The following PHACTR3 variants were observed in gnomAD, a reference collection of about 807,000 sequenced individuals.
PHACTR3 encodes the protein protein phosphatase 1, regulatory subunit 123.
A neutral mutation model predicts 66.8 loss-of-function variants in PHACTR3; 16 were observed. The ratio of observed to expected loss-of-function variants is 0.24; its 90% CI spans 0.16 to 0.36. The LOEUF (loss-of-function observed/expected upper bound fraction) is 0.36, where lower values mean the gene tolerates loss of function less well. PHACTR3 is among the 10% of genes least tolerant of loss of function. The pLI, the probability that PHACTR3 is intolerant of heterozygous loss-of-function variation, is 1.00. For synonymous variants in PHACTR3, 323 were observed against 292.1 expected (o/e 1.11, Z -1.08); for missense variants, 647 against 719.9 (o/e 0.90, Z 1.16).
chr20:59,607,480 A>C (rs901169455), intron 1 of PHACTR3, among the ~76,000 whole-genome samples: 1 of 152,186 alleles, frequency 6.6e-6, no homozygotes, highest in African/African-American at 2.4e-5. Flanking sequence ...TCCCATCTAA[A>C]TTCTATAATT....
intron 1 of PHACTR3, among the ~76,000 whole-genome samples, chr20:59,589,341 A>G (rs1160836024): frequency 6.6e-6 from 1 of 152,230 alleles, no homozygotes; most frequent in South Asian, 2.1e-4. Context: ...CAGTGTGCGC[A>G]TGGGTTTTAA....
intron 1 of PHACTR3, among the ~76,000 whole-genome samples, chr20:59,733,072 CTTTTTT>C (rs35384852): frequency 7.8e-6 from 1 of 127,938 alleles, no homozygotes. Flanking sequence ...AAATTCACTC[CTTTTTT>C]TTTTTTTTTT....
At chr20:59,577,953 C>T (rs1011809712) in intron 1 of PHACTR3, among the ~76,000 whole-genome samples, 7 of 152,266 alleles carry the variant, frequency 4.6e-5, no homozygotes, top group African/African-American at 1.7e-4. Context: ...GACCTTGCTG[C>T]GCCTCAGTTT....
At chr20:59,625,796 G>A (rs1249000465) in intron 1 of PHACTR3, among the ~76,000 whole-genome samples, 1 of 152,146 alleles carries the variant, frequency 6.6e-6, no homozygotes, top group Non-Finnish European at 1.5e-5. Flanking sequence ...TTGTTACGCT[G>A]GGGTTCTTGG....
intron 7 of PHACTR3, among the ~76,000 whole-genome samples, chr20:59,790,982 A>G (rs547060581): frequency 1.3e-5 from 2 of 152,322 alleles, no homozygotes; most frequent in South Asian, 4.1e-4. Flanking sequence ...GGGACAACTC[A>G]TATCTCCATG....
At chr20:59,739,711 T>C (rs1343796404) in intron 1 of PHACTR3, among the ~76,000 whole-genome samples, 1 of 152,048 alleles carries the variant, frequency 6.6e-6, no homozygotes, top group Admixed American at 6.5e-5. Context: ...AAGATGAGAT[T>C]TGGGTGGGGA....
intron 8 of PHACTR3, among the ~76,000 whole-genome samples, chr20:59,807,363 G>C (rs1017041812): frequency 1.3e-5 from 2 of 152,266 alleles, no homozygotes; most frequent in South Asian, 4.1e-4. Context: ...ATCAATCACT[G>C]TCATCTTCCT....
At position 59,741,394 on chromosome 20, in the gene PHACTR3, T is replaced by TC. The variant is rs372602671; in HGVS notation, c.119-1708dup. Among the ~76,000 whole-genome samples, 764 of 152,206 alleles carry TC rather than the reference T, an allele frequency of 5.0e-3. 9 individuals carry two copies. Among genetic ancestry groups the TC allele is most frequent in the African/African-American group, 0.017 (707 of 41,526 alleles). On this transcript the variant is annotated intron_variant, in intron 1 of 12. Transcript: ENST00000371015. ...GCACCCCACGGGTCTGCGATCTTCC[T>TC]CCCCCAGCGACACTGGGAGGTTAAA...
At chr20:59,621,753 C>T (rs886199902) in intron 1 of PHACTR3, among the ~76,000 whole-genome samples, 3 of 152,180 alleles carry the variant, frequency 2.0e-5, no homozygotes, top group Non-Finnish European at 4.4e-5. Context: ...GAGCCACGTC[C>T]ACCACATACT....
chr20:59,812,461 G>A lies in PHACTR3; in HGVS notation c.1328+6267G>A, dbSNP rs146235901. Among the ~76,000 whole-genome samples, 352 of 152,292 alleles carry A rather than the reference G, an allele frequency of 2.3e-3. 1 individual carries two copies. In the South Asian group the frequency reaches 0.032, roughly 14 times the overall value. ...TCTGTCTGCAGGAGCAGGACACAGC[G>A]TGCAGCGAGTTTAGACGCTCCCTCC... is the stretch of plus-strand genomic sequence containing the variant. On this transcript the variant is annotated intron_variant, in intron 8 of 12. Transcript: ENST00000371015.
chr20:59,679,586 G>A (rs1050546780), intron 1 of PHACTR3, among the ~76,000 whole-genome samples: 8 of 151,980 alleles, frequency 5.3e-5, no homozygotes, highest in African/African-American at 1.5e-4. Context: ...CATGGGCATC[G>A]GTACTGTATT....
intron 8 of PHACTR3, among the ~76,000 whole-genome samples, chr20:59,832,833 C>T (rs1259221379): frequency 6.6e-6 from 1 of 152,196 alleles, no homozygotes; most frequent in Non-Finnish European, 1.5e-5. Flanking sequence ...CTCTGGATCC[C>T]AACTAAAGTG....
In PHACTR3 at chr20:59,755,170, A is replaced by G. The variant is rs200814960; in HGVS notation, c.359-12A>G. On this transcript the variant is annotated splice_polypyrimidine_tract_variant and intron_variant, in intron 3 of 12. Transcript: ENST00000371015. The stretch of plus-strand genomic sequence containing the variant: ...AGGTGCAGGCCCAGCTGACAGCTAC[A>G]TTTCCTTGTAGATGCTGAAAGCAAA... 1,030 of 1,609,708 alleles carry G rather than the reference A, an allele frequency of 6.4e-4. 2 individuals are homozygous for G. The highest frequency in any genetic ancestry group is 8.1e-4 in the Non-Finnish European group (957 of 1,179,206).
intron 1 of PHACTR3, among the ~76,000 whole-genome samples, chr20:59,592,486 G>A (rs1044434985): frequency 2.0e-5 from 3 of 152,312 alleles, no homozygotes; most frequent in Non-Finnish European, 2.9e-5. Context: ...ACATTAGGGT[G>A]CATTCTTCGT....
chr20:59,689,805 C>T (rs967785990), intron 1 of PHACTR3, among the ~76,000 whole-genome samples: 1 of 152,266 alleles, frequency 6.6e-6, no homozygotes, highest in African/African-American at 2.4e-5. Flanking sequence ...CCCATCCCTG[C>T]CACATCCCTG....
chr20:59,595,189 G>A (rs999610279), intron 1 of PHACTR3, among the ~76,000 whole-genome samples: 10 of 152,120 alleles, frequency 6.6e-5, no homozygotes, highest in Non-Finnish European at 1.2e-4. Flanking sequence ...TGTGCCGGGC[G>A]TGGTGGCTCA....
At chr20:59,603,178 T>C (rs925252182), upstream of PHACTR3, among the ~76,000 whole-genome samples, 1 of 152,218 alleles carries the variant, frequency 6.6e-6, no homozygotes, top group Admixed American at 6.5e-5. Flanking sequence ...CCAACTGTAA[T>C]TAAATGATTA....
intron 1 of PHACTR3, among the ~76,000 whole-genome samples, chr20:59,728,982 G>T (rs2038666666): frequency 6.6e-6 from 1 of 152,142 alleles, no homozygotes; most frequent in Non-Finnish European, 1.5e-5. Flanking sequence ...TGCAAAGGTG[G>T]AGGAGAGCCT....
chr20:59,769,961 C>T (rs2040308784), intron 5 of PHACTR3, among the ~76,000 whole-genome samples: 1 of 152,196 alleles, frequency 6.6e-6, no homozygotes. Context: ...AACCTAAAAC[C>T]ATTTAAAGTC....
Sources: gnomAD v4.1 joint callset for allele counts (sites outside exome capture counted in the v4.1 genomes callset) on GRCh38, gnomAD v4.1.1 for gene constraint, MANE v1.5 for transcripts, NCBI Gene and HGNC (gene_info 2026-07-23, HGNC 2026-07-21) for gene names.